Variants in ZNF782 observed in about 807,000 individuals in gnomAD.
ZNF782 encodes the protein zinc finger protein 782.
Under a neutral mutation model 13.0 loss-of-function variants are expected in ZNF782, and 12 were observed. The observed-to-expected ratio is 0.92, with a 90% CI of 0.59 to 1.50. The LOEUF (loss-of-function observed/expected upper bound fraction) is 1.50, where lower values mean the gene tolerates loss of function less well. Among genes scored for constraint, ZNF782 ranks in the 40% most tolerant of loss-of-function variants. The pLI, the probability that ZNF782 is intolerant of heterozygous loss-of-function variation, is 0.00. For synonymous variants in ZNF782, 284 were observed against 283.0 expected (o/e 1.00, Z -0.04); for missense variants, 770 against 822.9 (o/e 0.94, Z 0.79).
At chr9:96,882,001 G>C in the ZNF782 span, among the ~76,000 whole-genome samples, 1 of 151,484 alleles carries the variant, frequency 6.6e-6, no homozygotes, top group African/African-American at 2.4e-5. Context: ...GTGTGTGTGT[G>C]TGTGTGTGTG....
chr9:96,839,174 C>A (rs1429978184), intron 4 of ZNF782, among the ~76,000 whole-genome samples: 1 of 151,158 alleles, frequency 6.6e-6, no homozygotes, highest in Non-Finnish European at 1.5e-5. Context: ...CAGTTTTTTT[C>A]CATAGTGTTT....
At chr9:96,925,429 G>A in the ZNF782 span, among the ~76,000 whole-genome samples, 170 of 152,246 alleles carry the variant, frequency 1.1e-3, no homozygotes, top group Middle Eastern at 3.4e-3. Context: ...CCTGAGGTCG[G>A]GGGTTCGAGA....
the ZNF782 span, among the ~76,000 whole-genome samples, chr9:96,906,968 T>C: frequency 6.6e-6 from 1 of 151,774 alleles, no homozygotes; most frequent in Admixed American, 6.6e-5. Context: ...TTAGGAGTTG[T>C]ATGCCAGGAA....
Position 96,850,451 on chromosome 9 carries a change from T to C in ZNF782, c.15+1496A>G, listed in dbSNP as rs144724731. 9.2e-3 allele frequency among the ~76,000 whole-genome samples: 1,404 copies of C among 152,170 alleles called. 50 individuals are homozygous for C. In the East Asian group the frequency reaches 0.1, roughly 11 times the overall value. ...ATAAGTGGGAGCTAAGTTATGAGTATGCAAAGGCATACAGAGTGACATAAT... is the reference window on the plus strand; with the variant it reads ...ATAAGTGGGAGCTAAGTTATGAGTACGCAAAGGCATACAGAGTGACATAAT... On this transcript the variant is annotated intron_variant, in intron 3 of 5. Transcript: ENST00000481138. The surrounding 1 kb of genome is among the most constrained non-coding windows in gnomAD (Gnocchi z 4.3).
intron 3 of ZNF782, 73 bp downstream of exon 3, chr9:96,851,874 T>C (rs1438630605): frequency 7.2e-7 from 1 of 1,394,288 alleles, no homozygotes; most frequent in East Asian, 2.3e-5. Context: ...TCCTTTTCCA[T>C]TTAATGCAAG....
At chr9:96,905,734 C>G in the ZNF782 span, among the ~76,000 whole-genome samples, 1 of 152,234 alleles carries the variant, frequency 6.6e-6, no homozygotes, top group African/African-American at 2.4e-5. Context: ...TACAGACATG[C>G]GCCACTATGC....
At chr9:96,875,297 C>T (rs923449385) in intron 1 of ZNF782, among the ~76,000 whole-genome samples, 1 of 152,200 alleles carries the variant, frequency 6.6e-6, no homozygotes. Flanking sequence ...CTTCTAAATA[C>T]AATAGCAGCT....
At chr9:96,849,828 TA>T (rs1350386121) in intron 3 of ZNF782, among the ~76,000 whole-genome samples, 2 of 151,272 alleles carry the variant, frequency 1.3e-5, no homozygotes, top group Admixed American at 6.6e-5. Context: ...AAAAATCCCA[TA>T]AAAAAGTGGA....
intron 1 of ZNF782, among the ~76,000 whole-genome samples, chr9:96,864,213 G>T (rs2118868020): frequency 6.6e-6 from 1 of 150,914 alleles, no homozygotes; most frequent in Non-Finnish European, 1.5e-5. Flanking sequence ...ATGCTATTCA[G>T]CCATTTAAAA....
chr9:96,845,145 G>A (rs1851310337), intron 3 of ZNF782, 129 bp from the exon 4 acceptor site: 3 of 1,124,980 alleles, frequency 2.7e-6, no homozygotes, highest in Non-Finnish European at 3.8e-6. Context: ...TCTTATTAAG[G>A]CCCTAATTCT....
chr9:96,840,943 A>C (rs997018493), intron 4 of ZNF782, among the ~76,000 whole-genome samples: 1 of 152,058 alleles, frequency 6.6e-6, no homozygotes, highest in African/African-American at 2.4e-5. Context: ...ACAAAAGAGA[A>C]AGATCAATGA....
intron 1 of ZNF782, among the ~76,000 whole-genome samples, chr9:96,870,659 A>G (rs1208616555): frequency 6.6e-6 from 1 of 152,244 alleles, no homozygotes; most frequent in East Asian, 1.9e-4. Context: ...GTAAGGGTTT[A>G]AAACAATGGT....
chr9:96,841,261 C>CA (rs944440687), intron 4 of ZNF782, among the ~76,000 whole-genome samples: 7 of 151,746 alleles, frequency 4.6e-5, no homozygotes, highest in Admixed American at 2.6e-4. Context: ...TAAAACTTCC[C>CA]AAAAAGAAGT....
the ZNF782 span, among the ~76,000 whole-genome samples, chr9:96,917,931 G>GTGTGTGT: frequency 8.7e-6 from 1 of 115,410 alleles, no homozygotes; most frequent in African/African-American, 4.4e-5. Flanking sequence ...TGTGTGTGTA[G>GTGTGTGT]ATGGGGGTCT....
At chr9:96,838,392 C>T (rs1312573053) in intron 4 of ZNF782, among the ~76,000 whole-genome samples, 1 of 152,202 alleles carries the variant, frequency 6.6e-6, no homozygotes, top group Non-Finnish European at 1.5e-5. Context: ...GCTGACACTG[C>T]TGTTCAGGTC....
chr9:96,860,761 A>G (rs1004079290), intron 2 of ZNF782, among the ~76,000 whole-genome samples: 16 of 152,230 alleles, frequency 1.1e-4, no homozygotes, highest in Non-Finnish European at 1.5e-5. Context: ...AATGGAACAG[A>G]ATAGAAAACC....
At chr9:96,911,355 C>T in the ZNF782 span, among the ~76,000 whole-genome samples, 1 of 132,868 alleles carries the variant, frequency 7.5e-6, no homozygotes, top group Non-Finnish European at 1.6e-5. Flanking sequence ...AGGAGAATGG[C>T]ATGAACCCGG....
the ZNF782 span, among the ~76,000 whole-genome samples, chr9:96,887,207 G>C: frequency 6.7e-6 from 1 of 149,276 alleles, no homozygotes; most frequent in Non-Finnish European, 1.5e-5. Flanking sequence ...CCAGCTACTC[G>C]GGAGGCTGAG....
At chr9:96,862,755 C>T (rs1851714964) in intron 1 of ZNF782, among the ~76,000 whole-genome samples, 1 of 152,204 alleles carries the variant, frequency 6.6e-6, no homozygotes, top group African/African-American at 2.4e-5. Flanking sequence ...GTTGAAGAAG[C>T]TAGTGTGCCT....
Sources: gnomAD v4.1 joint callset for allele counts (sites outside exome capture counted in the v4.1 genomes callset) on GRCh38, gnomAD v4.1.1 for gene constraint, Gnocchi (gnomAD v3.1) non-coding constraint, MANE v1.5 for transcripts, NCBI Gene and HGNC (gene_info 2026-07-23, HGNC 2026-07-21) for gene names.